The following SEMA3E variants were observed in gnomAD, a reference collection of about 807,000 sequenced individuals.
The protein encoded by SEMA3E is semaphorin 3E.
Under a neutral mutation model 93.6 loss-of-function variants are expected in SEMA3E, and 49 were observed. The observed-to-expected ratio is 0.52, with a 90% confidence interval of 0.42 to 0.66. SEMA3E has a LOEUF of 0.66. Ranked by LOEUF, SEMA3E falls within the 30% of genes least tolerant of loss-of-function variation. The pLI is 0.00. For synonymous variants in SEMA3E, 363 were observed against 330.7 expected (o/e 1.10, Z -1.06); for missense variants, 906 against 964.8 (o/e 0.94, Z 0.81).
rs1562743425 is a variant in SEMA3E, at chr7:83,363,859, C to CTTTTTTTTTTTT, written c.*3726_*3727insAAAAAAAAAAAA. On this transcript the variant is annotated 3_prime_UTR_variant, in exon 17 of 17. Transcript: ENST00000643230. ...AGGCTACAGGTGTCACAGGTCAATT[C>CTTTTTTTTTTTT]ATTTTTTTTTTTTTTTTTTTTTTTT... 2 of 100,556 alleles carry CTTTTTTTTTTTT rather than the reference C, an allele frequency of 2.0e-5. No homozygotes were observed. The highest frequency in any genetic ancestry group is 9.3e-5 in the African/African-American group (2 of 21,428). 6.2% of individuals were successfully genotyped at this position (100,556 alleles called of 1,614,324 possible).
At chr7:83,628,343 A>C (rs1793716427) in intron 1 of SEMA3E, among the ~76,000 whole-genome samples, 1 of 152,056 alleles carries the variant, frequency 6.6e-6, no homozygotes, top group Non-Finnish European at 1.5e-5. Context: ...CTGTCTTACT[A>C]GGTTGGGGAA....
At chr7:83,407,550 T>C (rs1433870393) in intron 6 of SEMA3E, among the ~76,000 whole-genome samples, 4 of 152,174 alleles carry the variant, frequency 2.6e-5, no homozygotes, top group African/African-American at 4.8e-5. Flanking sequence ...AAAGAGCAGA[T>C]TGGGAGCACA....
intron 1 of SEMA3E, among the ~76,000 whole-genome samples, chr7:83,580,861 C>T (rs1337916806): frequency 6.6e-6 from 1 of 151,842 alleles, no homozygotes; most frequent in Non-Finnish European, 1.5e-5. Context: ...TCAATAAATA[C>T]AGTTACCAAA....
chr7:83,447,893 T>A (rs546770713), intron 4 of SEMA3E, among the ~76,000 whole-genome samples: 1 of 152,304 alleles, frequency 6.6e-6, no homozygotes, highest in Admixed American at 6.5e-5. Flanking sequence ...AAAATAATGT[T>A]AACACAGTGA....
intron 1 of SEMA3E, among the ~76,000 whole-genome samples, chr7:83,558,283 C>G (rs1791961457): frequency 6.6e-6 from 1 of 152,100 alleles, no homozygotes; most frequent in East Asian, 1.9e-4. Flanking sequence ...AGCAATGATT[C>G]AAATAATTAT....
At chr7:83,604,152 C>T (rs2115993043) in intron 1 of SEMA3E, among the ~76,000 whole-genome samples, 1 of 152,146 alleles carries the variant, frequency 6.6e-6, no homozygotes, top group East Asian at 1.9e-4. Flanking sequence ...CAATAAAGTA[C>T]ATTAGCAAAG....
chr7:83,549,514 C>T (rs979005276), intron 1 of SEMA3E, among the ~76,000 whole-genome samples: 17 of 151,948 alleles, frequency 1.1e-4, no homozygotes, highest in Non-Finnish European at 1.6e-4. Context: ...TTATCCCATT[C>T]GTATCATTAA....
chr7:83,632,947 A>C (rs1793815577), intron 1 of SEMA3E, among the ~76,000 whole-genome samples: 1 of 152,228 alleles, frequency 6.6e-6, no homozygotes, highest in Non-Finnish European at 1.5e-5. Context: ...ATGACTTCAC[A>C]GAGTGGGCAG....
intron 1 of SEMA3E, among the ~76,000 whole-genome samples, chr7:83,618,721 T>G (rs1562857569): frequency 6.6e-6 from 1 of 151,940 alleles, no homozygotes; most frequent in Non-Finnish European, 1.5e-5. Flanking sequence ...ACAGTTCAAC[T>G]AGGTATTCAA....
At chr7:83,431,310 T>G (rs933084651) in intron 4 of SEMA3E, among the ~76,000 whole-genome samples, 1 of 151,652 alleles carries the variant, frequency 6.6e-6, no homozygotes, top group Non-Finnish European at 1.5e-5. Flanking sequence ...AATTAATTAA[T>G]GTAGGGTTAA....
chr7:83,440,836 T>C (rs1258787281), intron 4 of SEMA3E, among the ~76,000 whole-genome samples: 1 of 148,858 alleles, frequency 6.7e-6, no homozygotes, highest in Non-Finnish European at 1.5e-5. Flanking sequence ...TAAAAGTCTG[T>C]AGGACAGCAG....
At chr7:83,471,147 G>T (rs1213759438) in intron 2 of SEMA3E, among the ~76,000 whole-genome samples, 1 of 151,962 alleles carries the variant, frequency 6.6e-6, no homozygotes, top group Non-Finnish European at 1.5e-5. Flanking sequence ...TTGTTAAGAG[G>T]TATATGATCT....
At chr7:83,632,960 G>A (rs1441895738) in intron 1 of SEMA3E, among the ~76,000 whole-genome samples, 1 of 152,072 alleles carries the variant, frequency 6.6e-6, no homozygotes, top group African/African-American at 2.4e-5. Context: ...GTGGGCAGTA[G>A]TCACTAAAAT....
chr7:83,444,131 A>C (rs1789177245), intron 4 of SEMA3E, among the ~76,000 whole-genome samples: 1 of 152,148 alleles, frequency 6.6e-6, no homozygotes, highest in Non-Finnish European at 1.5e-5. Context: ...AGATAAGCTT[A>C]ATAGAGGAGA....
At chr7:83,547,462 A>G (rs539613312) in intron 1 of SEMA3E, among the ~76,000 whole-genome samples, 1 of 152,022 alleles carries the variant, frequency 6.6e-6, no homozygotes, top group East Asian at 1.9e-4. Flanking sequence ...ATCAACTCTG[A>G]TTTTCTTTAT....
intron 1 of SEMA3E, among the ~76,000 whole-genome samples, chr7:83,493,414 C>T (rs1790423396): frequency 6.6e-6 from 1 of 151,676 alleles, no homozygotes; most frequent in Admixed American, 6.6e-5. Flanking sequence ...TTCATATTGC[C>T]TCAGAGAAAA....
intron 16 of SEMA3E, 147 bp downstream of exon 16, chr7:83,385,145 TCA>T: frequency 1.6e-6 from 1 of 621,256 alleles, no homozygotes; most frequent in South Asian, 2.5e-5. Context: ...TGTATATAAA[TCA>T]CACATAACAA....
chr7:83,527,182 T>A (rs1005212348), intron 1 of SEMA3E, among the ~76,000 whole-genome samples: 1 of 105,774 alleles, frequency 9.5e-6, no homozygotes, highest in Admixed American at 9.6e-5. Context: ...AGCTAAGAAG[T>A]GGGGGGGAAA....
chr7:83,404,491 C>G (rs991909451), intron 9 of SEMA3E, among the ~76,000 whole-genome samples: 2 of 151,840 alleles, frequency 1.3e-5, no homozygotes, highest in Non-Finnish European at 2.9e-5. Flanking sequence ...TATTTTTTAT[C>G]CTAATCATTT....
Sources: gnomAD v4.1 joint callset for allele counts (sites outside exome capture counted in the v4.1 genomes callset) on GRCh38, gnomAD v4.1.1 for gene constraint, MANE v1.5 for transcripts, NCBI Gene and HGNC (gene_info 2026-07-23, HGNC 2026-07-21) for gene names.